PCDHA8: variants seen among roughly 807,000 people sequenced by gnomAD.
PCDHA8 encodes protocadherin alpha-8.
A neutral mutation model predicts 61.8 loss-of-function variants in PCDHA8; 53 were observed. The observed-to-expected ratio is 0.86, with a 90% confidence interval of 0.69 to 1.08. The LOEUF is 1.08. PCDHA8 is among the 50% of genes least tolerant of loss of function. The pLI is 0.00. For missense variants in PCDHA8, 1,293 were observed against 1,245.0 expected (o/e 1.04, Z -0.58); for synonymous variants, 618 against 556.6 (o/e 1.11, Z -1.55).
At chr5:140,868,370 A>C (rs1424656791) in intron 1 of PCDHA8, 2 of 152,204 alleles carry the variant, frequency 1.3e-5, no homozygotes, top group African/African-American at 4.8e-5. Flanking sequence ...TGTAAATAAC[A>C]GTAAAGAATG....
Position 140,927,620 on chromosome 5 carries a change from C to T in PCDHA8, c.2395-51329C>T, listed in dbSNP as rs2153590504. 6.2e-7 allele frequency: 1 copy of T among 1,614,196 alleles called. No homozygotes were observed. ...CGCTCCGTATACCGCACCAAGGTTC[C>T]AGAGACTGCACCCAATGGGACTGTG... is the stretch of plus-strand genomic sequence containing the variant. On this transcript the variant is annotated intron_variant, in intron 1 of 3. Coordinates refer to ENST00000531613, the MANE Select transcript of PCDHA8 (RefSeq NM_018911.3).
At chr5:140,854,174 A>AAAAAGAGT in intron 1 of PCDHA8, 1 of 680,558 alleles carries the variant, frequency 1.5e-6, no homozygotes, top group Non-Finnish European at 1.8e-6. Context: ...AAAAAAAAAA[A>AAAAAGAGT]AAGAGTAGTT....
chr5:140,843,013 A>C lies in PCDHA8; in HGVS notation c.1692A>C (p.Ala564=). The C allele has an allele frequency of 6.3e-7, 1 of 1,595,130 alleles. No individual in the cohort carries two copies. Among genetic ancestry groups the C allele is most frequent in the South Asian group, 1.1e-5 (1 of 90,526 alleles). The change falls in exon 1 of 4, where the codon GCA becomes GCC. Residue 564 remains alanine, a synonymous_variant. Coordinates refer to ENST00000531613, the MANE Select transcript of PCDHA8 (RefSeq NM_018911.3). ...FVLDENDNAP[A]LLEPRVGGTG... is the part of the protein sequence containing the mutation. ...TGGACGAGAATGACAACGCGCCGGC[A>C]CTGCTGGAGCCTCGGGTGGGTGGCA...
At chr5:140,937,954 G>A (rs1209058625) in intron 1 of PCDHA8, among the ~76,000 whole-genome samples, 2 of 151,226 alleles carry the variant, frequency 1.3e-5, no homozygotes, top group Non-Finnish European at 2.9e-5. Context: ...GGCTTTTGTT[G>A]AAAGTATATA....
intron 1 of PCDHA8, chr5:140,870,429 G>T (rs1198109995): frequency 6.2e-7 from 1 of 1,614,238 alleles, no homozygotes; most frequent in African/African-American, 1.3e-5. Flanking sequence ...GGGTATCCGT[G>T]GAGGTGGCCG....
chr5:140,876,476 T>G, intron 1 of PCDHA8: 1 of 1,614,036 alleles, frequency 6.2e-7, no homozygotes, highest in Non-Finnish European at 8.5e-7. Context: ...GGTCACAGCA[T>G]GGTCCTGGTG....
At chr5:140,901,502 T>G (rs782679945) in intron 1 of PCDHA8, among the ~76,000 whole-genome samples, 1 of 152,182 alleles carries the variant, frequency 6.6e-6, no homozygotes, top group Non-Finnish European at 1.5e-5. Context: ...CGAAAATGAG[T>G]TCATTATAGA....
At chr5:140,876,418 T>G in intron 1 of PCDHA8, 1 of 1,613,982 alleles carries the variant, frequency 6.2e-7, no homozygotes, top group African/African-American at 1.3e-5. Context: ...GAATAATGCC[T>G]ATGAAATTCA....
chr5:140,877,652 C>G (rs1456022709), intron 1 of PCDHA8: 1 of 1,613,520 alleles, frequency 6.2e-7, no homozygotes, highest in Non-Finnish European at 8.5e-7. Context: ...TCAGCGCCGC[C>G]CACCGTGAGC....
At chr5:140,908,726 G>A (rs1304356386) in intron 1 of PCDHA8, among the ~76,000 whole-genome samples, 3 of 152,188 alleles carry the variant, frequency 2.0e-5, no homozygotes, top group African/African-American at 4.8e-5. Flanking sequence ...TGGGTCATAT[G>A]GCTCGAGAAA....
chr5:140,927,870 G>A (rs1302526715), intron 1 of PCDHA8: 1 of 1,614,100 alleles, frequency 6.2e-7, no homozygotes. Context: ...CCGCTAAACT[G>A]CTGGTGGAGG....
rs1554169514 is a variant in PCDHA8, at chr5:140,877,250, A to C, written c.2394+33535A>C. On this transcript the variant is annotated intron_variant, in intron 1 of 3. Transcript: ENST00000531613. Reference sequence around the variant, plus strand: ...GTGGGTGCGGGCCACGTGGTGGCGAAAGTGCGCGCGGTGGACGCTGACTCC... The same window carrying C: ...GTGGGTGCGGGCCACGTGGTGGCGACAGTGCGCGCGGTGGACGCTGACTCC... 1.9e-6 allele frequency: 3 copies of C among 1,613,668 alleles called. No homozygotes were observed. In the African/African-American group the frequency reaches 4.0e-5, roughly 22 times the overall value.
chr5:140,883,834 G>T (rs891069385), intron 1 of PCDHA8: 3 of 1,612,540 alleles, frequency 1.9e-6, no homozygotes, highest in Non-Finnish European at 2.5e-6. Context: ...CGCTGCAGCC[G>T]TTGGACCACG....
intron 1 of PCDHA8, among the ~76,000 whole-genome samples, chr5:140,896,091 G>A (rs1353012571): frequency 2.0e-5 from 3 of 152,104 alleles, no homozygotes; most frequent in African/African-American, 2.4e-5. Flanking sequence ...GATTACAGGC[G>A]TGAGCCACTG....
At position 140,928,807 on chromosome 5, in the gene PCDHA8, C is replaced by T. The variant is rs782261335; in HGVS notation, c.2395-50142C>T. 6.2e-6 allele frequency: 10 copies of T among 1,614,094 alleles called. No homozygotes were observed. Among genetic ancestry groups the T allele is most frequent in the Non-Finnish European group, 8.5e-6 (10 of 1,180,020 alleles). On this transcript the variant is annotated intron_variant, in intron 1 of 3. Coordinates refer to ENST00000531613, the MANE Select transcript of PCDHA8 (RefSeq NM_018911.3). ...TAAGCAGAGGGTGGTGGTAGTGGTT[C>T]GGGACCATGGAGACCCACCACTTTC...
intron 1 of PCDHA8, chr5:140,858,613 T>A (rs953930839): frequency 8.3e-7 from 1 of 1,208,634 alleles, no homozygotes; most frequent in Non-Finnish European, 1.1e-6. Context: ...AATTTTTTTA[T>A]CCTACCCAGT....
chr5:140,882,813 C>T lies in PCDHA8; in HGVS notation c.2394+39098C>T, dbSNP rs782169035. On this transcript the variant is annotated intron_variant, in intron 1 of 3. Transcript: ENST00000531613. ...CCCAACGATTATTTCACTTTGGACG[C>T]ACAAAACAGTCTTGAGCAAATGTCT... 4 of 1,614,176 alleles carry T rather than the reference C, an allele frequency of 2.5e-6. No individual in the cohort carries two copies. The East Asian group carries it at 6.7e-5, about 27-fold the overall frequency.
At chr5:140,930,962 T>A (rs1193722929) in intron 1 of PCDHA8, among the ~76,000 whole-genome samples, 2 of 152,184 alleles carry the variant, frequency 1.3e-5, no homozygotes, top group African/African-American at 4.8e-5. Flanking sequence ...AAATGTACTG[T>A]TTCAATGATT....
chr5:140,878,252 C>T (rs1250494755), intron 1 of PCDHA8, among the ~76,000 whole-genome samples: 26 of 152,184 alleles, frequency 1.7e-4, no homozygotes, highest in African/African-American at 3.1e-4. Context: ...CTCTTCCTCA[C>T]GTGCTTAGGC....
Sources: allele counts gnomAD v4.1 joint callset (sites outside exome capture counted in the v4.1 genomes callset), GRCh38; gene constraint gnomAD v4.1.1; transcripts MANE v1.5; gene names NCBI Gene and HGNC (gene_info 2026-07-23, HGNC 2026-07-21).